SASH1: variants seen among roughly 807,000 people sequenced by gnomAD.
SASH1 encodes SAM and SH3 domain-containing protein 1.
In SASH1, 44 loss-of-function variants were observed where a neutral mutation model predicts 125.2. The observed-to-expected ratio is 0.35, with a 90% CI of 0.28 to 0.45. The LOEUF is 0.45. Ranked by LOEUF, SASH1 falls within the 20% of genes least tolerant of loss-of-function variation. SASH1 has a pLI of 1.00. For missense variants in SASH1, 1,426 were observed against 1,614.5 expected, an observed-to-expected ratio of 0.88 and a Z score of 2.00; for synonymous variants, 639 against 649.1, an observed-to-expected ratio of 0.98 and a Z score of 0.24.
intron 1 of SASH1, among the ~76,000 whole-genome samples, chr6:148,301,308 AAG>A (rs1779936703): frequency 6.9e-6 from 1 of 145,468 alleles, no homozygotes. Context: ...CCTGGGCAAC[AAG>A]AGCAAAACTC....
At chr6:148,259,443 C>T in the SASH1 span, among the ~76,000 whole-genome samples, 1 of 152,220 alleles carries the variant, frequency 6.6e-6, no homozygotes, top group Non-Finnish European at 1.5e-5. Context: ...CCCCCACTCC[C>T]CTACCATCCT....
At chr6:148,427,994 A>T (rs1201252505) in intron 2 of SASH1, among the ~76,000 whole-genome samples, 1 of 152,226 alleles carries the variant, frequency 6.6e-6, no homozygotes, top group East Asian at 1.9e-4. Flanking sequence ...ATAGTGTGTT[A>T]TCTCTGCCAG....
chr6:148,228,758 G>A, the SASH1 span, among the ~76,000 whole-genome samples: 1 of 152,130 alleles, frequency 6.6e-6, no homozygotes, highest in Non-Finnish European at 1.5e-5. Context: ...TTTTTATGGA[G>A]AAAGACAGCA....
intron 8 of SASH1, among the ~76,000 whole-genome samples, chr6:148,491,918 T>A (rs1025925976): frequency 6.6e-5 from 10 of 152,098 alleles, no homozygotes; most frequent in Non-Finnish European, 1.2e-4. Flanking sequence ...CCTTTTTGGG[T>A]CTCTAATCCT....
chr6:148,527,485 C>G lies in SASH1; in HGVS notation c.1317C>G (p.Val439=). ...AAGGAGACTTTGTGTACAAAGAAGT[C>G]ATCAAATCACCTACTGCCTCTCGCA... ...GKEGDFVYKE[V]IKSPTASRIS... is the part of the protein sequence containing the mutation. Residue 439 remains valine, a synonymous_variant, in exon 12 of 20, where the codon GTC becomes GTG. Coordinates refer to ENST00000367467, the MANE Select transcript of SASH1 (RefSeq NM_015278.5). 6.2e-7 allele frequency: 1 copy of G among 1,608,160 alleles called. No homozygotes were observed. The highest frequency in any genetic ancestry group is 8.5e-7 in the Non-Finnish European group (1 of 1,178,284).
intron 2 of SASH1, among the ~76,000 whole-genome samples, chr6:148,419,690 T>G: frequency 6.6e-6 from 1 of 152,136 alleles, no homozygotes; most frequent in South Asian, 2.1e-4. Context: ...TCCTAATAGG[T>G]TTCCTGTTTG....
At chr6:148,359,332 T>G (rs9498014) in intron 1 of SASH1, among the ~76,000 whole-genome samples, 1 of 139,514 alleles carries the variant, frequency 7.2e-6, no homozygotes, top group African/African-American at 3.3e-5. Flanking sequence ...CCGGTTTTTT[T>G]TTTTTTTTTA....
At chr6:148,324,118 C>A (rs867020389) in intron 1 of SASH1, among the ~76,000 whole-genome samples, 128 of 59,396 alleles carry the variant, frequency 2.2e-3, no homozygotes, top group South Asian at 4.8e-3. Context: ...GAATCTGTCT[C>A]AAAAAAAAAA....
At chr6:148,210,744 G>T in the SASH1 span, among the ~76,000 whole-genome samples, 1 of 151,996 alleles carries the variant, frequency 6.6e-6, no homozygotes, top group Non-Finnish European at 1.5e-5. Context: ...GAGTTAGTTT[G>T]GTCATTATAA....
At chr6:148,416,545 C>G (rs766935224) in intron 2 of SASH1, among the ~76,000 whole-genome samples, 1 of 152,048 alleles carries the variant, frequency 6.6e-6, no homozygotes, top group Admixed American at 6.6e-5. Context: ...GTCGCAAAAC[C>G]CTTCACAAGT....
chr6:148,412,414 T>G (rs2114913455), intron 2 of SASH1, among the ~76,000 whole-genome samples: 1 of 152,298 alleles, frequency 6.6e-6, no homozygotes, highest in African/African-American at 2.4e-5. Flanking sequence ...AAAGAAAAAG[T>G]TGCTTTAAAA....
intron 1 of SASH1, among the ~76,000 whole-genome samples, chr6:148,291,534 T>C (rs1290031395): frequency 6.6e-6 from 1 of 151,808 alleles, no homozygotes; most frequent in Admixed American, 6.6e-5. Context: ...ACAAAAAAGA[T>C]TAGTTGGACC....
Position 148,533,518 on chromosome 6 carries a change from T to C in SASH1, c.1735-253T>C, listed in dbSNP as rs1319374920. Among the ~76,000 whole-genome samples the C allele has an allele frequency of 6.6e-6, 1 of 152,100 alleles. No individual in the cohort carries two copies. The highest frequency in any genetic ancestry group is 1.5e-5 in the Non-Finnish European group (1 of 68,002). On this transcript the variant is annotated intron_variant, in intron 14 of 19. Transcript: ENST00000367467. This position sits in a 1 kb window ranked among gnomAD's most constrained non-coding sequence, Gnocchi z 6.2. ...GGGGTACCCCAGGCACCCCTGGTTCTGCAGGGCAGGAGGGTGGAGGGGCTG... is the reference window on the plus strand; with the variant it reads ...GGGGTACCCCAGGCACCCCTGGTTCCGCAGGGCAGGAGGGTGGAGGGGCTG...
At chr6:148,454,188 C>T (rs1777232066) in intron 4 of SASH1, among the ~76,000 whole-genome samples, 1 of 152,182 alleles carries the variant, frequency 6.6e-6, no homozygotes, top group Non-Finnish European at 1.5e-5. Context: ...GAGCTCCACA[C>T]ATCACAGGCC....
intron 2 of SASH1, among the ~76,000 whole-genome samples, chr6:148,398,398 TACAGACAGCAAAGCA>T (rs1333997648): frequency 1.3e-5 from 2 of 152,204 alleles, no homozygotes; most frequent in African/African-American, 4.8e-5. Context: ...TGTTATTTGC[TACAGACAGCAAAGCA>T]TATGGGAAAC....
the SASH1 span, among the ~76,000 whole-genome samples, chr6:148,257,520 C>T: frequency 6.6e-6 from 1 of 151,994 alleles, no homozygotes; most frequent in South Asian, 2.1e-4. Context: ...CTTTAGTGAG[C>T]ATGTAATCCT....
At chr6:148,490,886 A>G (rs1779080862) in intron 8 of SASH1, among the ~76,000 whole-genome samples, 1 of 152,176 alleles carries the variant, frequency 6.6e-6, no homozygotes, top group Non-Finnish European at 1.5e-5. Flanking sequence ...ATTGGACCCC[A>G]TATGCATGAC....
At chr6:148,334,291 G>A (rs1781084050) in intron 1 of SASH1, among the ~76,000 whole-genome samples, 1 of 149,010 alleles carries the variant, frequency 6.7e-6, no homozygotes, top group South Asian at 2.1e-4. Context: ...AGCCGGGCGT[G>A]ATGGCGGGCG....
At chr6:148,416,022 C>G (rs1784802673) in intron 2 of SASH1, among the ~76,000 whole-genome samples, 1 of 152,218 alleles carries the variant, frequency 6.6e-6, no homozygotes, top group African/African-American at 2.4e-5. Flanking sequence ...TCCATCAAGG[C>G]ATTTGGTTAA....
Sources: allele counts gnomAD v4.1 joint callset (sites outside exome capture counted in the v4.1 genomes callset), GRCh38; gene constraint gnomAD v4.1.1; non-coding constraint Gnocchi (gnomAD v3.1); transcripts MANE v1.5; gene names NCBI Gene and HGNC (gene_info 2026-07-23, HGNC 2026-07-21).